The following IPO8 variants were observed in gnomAD, a reference collection of about 807,000 sequenced individuals.
IPO8 encodes the protein importin-8.
Under a neutral mutation model 141.2 loss-of-function variants are expected in IPO8, and 65 were observed. The observed-to-expected ratio is 0.46, with a 90% confidence interval of 0.38 to 0.57. The LOEUF (loss-of-function observed/expected upper bound fraction) is 0.57. IPO8 is among the 20% of genes least tolerant of loss of function. IPO8 has a pLI of 0.00. For synonymous variants in IPO8, 411 were observed against 420.3 expected (o/e 0.98, Z 0.27); for missense variants, 980 against 1,246.8 (o/e 0.79, Z 3.22).
intron 20 of IPO8, among the ~76,000 whole-genome samples, chr12:30,646,436 G>A (rs1239636038): frequency 2.0e-5 from 3 of 152,144 alleles, no homozygotes; most frequent in African/African-American, 7.2e-5. Context: ...CTAAGACCAG[G>A]AACAAGATGA....
rs761532552 is a variant in IPO8 at position 30,661,309 on chromosome 12, T to A, written c.1756-43A>T. 3 of 1,512,222 alleles carry A rather than the reference T, an allele frequency of 2.0e-6. No homozygotes were observed. The Admixed American group carries it at 6.4e-5, about 32-fold the overall frequency. 93.7% of individuals were successfully genotyped at this position (1,512,222 alleles called of 1,614,324 possible). A position where few individuals can be genotyped will look rare whatever the true frequency, so the allele number is the denominator to read the frequency against. On this transcript the variant is annotated intron_variant, in intron 15 of 24. Transcript: ENST00000256079. ...AAGTATTCCGCAATTAGTAGTACTG[T>A]TACGTCCCCGCTTTACAAAAGTTAG...
chr12:30,646,567 G>A (rs2052649711), intron 20 of IPO8, among the ~76,000 whole-genome samples: 2 of 152,208 alleles, frequency 1.3e-5, no homozygotes, highest in South Asian at 4.1e-4. Context: ...TAGATAATAT[G>A]ATCCTGTTTA....
Position 30,637,117 on chromosome 12 carries a change from C to T in IPO8, c.2560G>A (p.Val854Ile). ...LLELQNRPPA[V>I]DAVVGQIVPS... is the part of the protein sequence containing the mutation. ...ACAATCTGTCCCACCACAGCATCTA[C>T]TGCAGGAGGTCGATTTTGCAATTCC... Residue 854 changes from valine (V) to isoleucine (I), a missense_variant, in exon 22 of 25, where the codon GTA becomes ATA. Physicochemically the swap from Val to Ile is conservative, Grantham distance 29. Around this residue, in one of 3 missense-constraint regions of IPO8, gnomAD observed 924 missense variants for 1,153.9 expected, o/e 0.80. Coordinates refer to ENST00000256079, the MANE Select transcript of IPO8 (RefSeq NM_006390.4). 1.2e-6 allele frequency: 2 copies of T among 1,613,896 alleles called. No homozygotes were observed. Among genetic ancestry groups the T allele is most frequent in the African/African-American group, 1.3e-5 (1 of 74,996 alleles).
In IPO8 at chr12:30,680,496, A is replaced by G. The variant is rs1386373280; in HGVS notation, c.625T>C (p.Tyr209His). 1 of 1,610,638 alleles carries G rather than the reference A, an allele frequency of 6.2e-7. No homozygotes were observed. The highest frequency in any genetic ancestry group is 1.1e-5 in the South Asian group (1 of 90,354). The change falls in exon 5 of 25, where the codon TAT becomes CAT. Residue 209 changes from tyrosine to histidine, a missense_variant. Physicochemically the swap from Tyr to His is moderately conservative, Grantham distance 83 (BLOSUM62 2). Transcript: ENST00000256079. ...TAGAAACCTACCTGAACAAGTGCAT[A>G]AAAGATTTTCAGAATTTGTTTCTGC... ...LLQKQILKIF[Y>H]ALVQYALPLQ...
chr12:30,634,190 T>C lies in IPO8; in HGVS notation c.2792A>G (p.Asp931Gly), dbSNP rs2052471463. 1.9e-6 allele frequency: 3 copies of C among 1,613,882 alleles called. No individual in the cohort carries two copies. The highest frequency in any genetic ancestry group is 2.5e-6 in the Non-Finnish European group (3 of 1,179,910). Residue 931 changes from aspartate (D) to glycine (G), a missense_variant, in exon 23 of 25, where the codon GAC becomes GGC. Asp to Gly is a moderately conservative substitution (Grantham distance 94). Around this residue, in one of 3 missense-constraint regions of IPO8, gnomAD observed 924 missense variants for 1,153.9 expected, o/e 0.80. Coordinates refer to ENST00000256079, the MANE Select transcript of IPO8 (RefSeq NM_006390.4). ...RGEDEEEEDD[D>G]WDEEVLEETA... ...TTCTTCCAATACTTCTTCATCCCAGTCATCATCTTCCTCCTCCTCATCTTC... is the reference window on the plus strand; with the variant it reads ...TTCTTCCAATACTTCTTCATCCCAGCCATCATCTTCCTCCTCCTCATCTTC...
chr12:30,640,246 A>C (rs2052558511), intron 20 of IPO8, among the ~76,000 whole-genome samples: 1 of 152,192 alleles, frequency 6.6e-6, no homozygotes, highest in Admixed American at 6.5e-5. Context: ...TCCAATTCTA[A>C]GGTGCAATAT....
At chr12:30,668,445 T>A (rs187836988) in intron 10 of IPO8, among the ~76,000 whole-genome samples, 157 of 152,282 alleles carry the variant, frequency 1.0e-3, no homozygotes, top group Non-Finnish European at 1.7e-3. Context: ...TCTTTCAACA[T>A]GTATTGAAGG....
At chr12:30,647,776 T>C (rs1280721325) in intron 20 of IPO8, among the ~76,000 whole-genome samples, 1 of 152,022 alleles carries the variant, frequency 6.6e-6, no homozygotes, top group Non-Finnish European at 1.5e-5. Context: ...GAATATATAA[T>C]GAACTCCAAC....
At chr12:30,633,086 T>C (rs1036636093) in intron 23 of IPO8, among the ~76,000 whole-genome samples, 2 of 152,252 alleles carry the variant, frequency 1.3e-5, no homozygotes, top group Admixed American at 1.3e-4. Context: ...TCCACGTTTA[T>C]GCTGTTACGT....
intron 16 of IPO8, among the ~76,000 whole-genome samples, chr12:30,660,859 T>C (rs774318130): frequency 1.3e-5 from 2 of 151,946 alleles, no homozygotes; most frequent in Non-Finnish European, 2.9e-5. Flanking sequence ...GAACCTAGCC[T>C]GGCACATAGC....
chr12:30,668,746 C>T (rs541032867), intron 10 of IPO8, among the ~76,000 whole-genome samples: 37 of 152,298 alleles, frequency 2.4e-4, no homozygotes, highest in African/African-American at 8.7e-4. Flanking sequence ...AGTAGGGCCC[C>T]CATACGAAAT....
chr12:30,637,120 C>T lies in IPO8; in HGVS notation c.2557G>A (p.Ala853Thr). ...ATCTGTCCCACCACAGCATCTACTG[C>T]AGGAGGTCGATTTTGCAATTCCAAA... Reference protein sequence around the residue: ...ILLELQNRPPAVDAVVGQIVP... With the variant: ...ILLELQNRPPTVDAVVGQIVP... The change falls in exon 22 of 25, where the codon GCA becomes ACA. Residue 853 changes from alanine to threonine, a missense_variant. Coordinates refer to ENST00000256079, the MANE Select transcript of IPO8 (RefSeq NM_006390.4). The T allele has an allele frequency of 6.2e-7, 1 of 1,613,822 alleles. No individual in the cohort carries two copies. Among genetic ancestry groups the T allele is most frequent in the Non-Finnish European group, 8.5e-7 (1 of 1,179,922 alleles).
chr12:30,643,034 T>C (rs2052595571), intron 20 of IPO8, among the ~76,000 whole-genome samples: 3 of 152,204 alleles, frequency 2.0e-5, no homozygotes, highest in Admixed American at 2.0e-4. Flanking sequence ...GTAAGAAACT[T>C]ATCTTGAATA....
chr12:30,689,910 C>T (rs956023730), intron 2 of IPO8, among the ~76,000 whole-genome samples: 1 of 152,002 alleles, frequency 6.6e-6, no homozygotes, highest in Admixed American at 6.6e-5. Flanking sequence ...TTTGAAAATT[C>T]ATGATACTCT....
intron 18 of IPO8, among the ~76,000 whole-genome samples, chr12:30,652,551 A>G (rs997162567): frequency 6.6e-6 from 1 of 151,960 alleles, no homozygotes; most frequent in African/African-American, 2.4e-5. Flanking sequence ...CCTATCTGAC[A>G]TACTTTATAT....
intron 9 of IPO8, among the ~76,000 whole-genome samples, chr12:30,669,804 CA>C (rs1044965847): frequency 6.6e-6 from 1 of 151,906 alleles, no homozygotes; most frequent in African/African-American, 2.4e-5. Flanking sequence ...CTTCTATTCC[CA>C]AAAAAACTAA....
In IPO8 at chr12:30,663,214, A is replaced by T. The variant is rs190696375; in HGVS notation, c.1594+275T>A. On this transcript the variant is annotated intron_variant, in intron 14 of 24. Transcript: ENST00000256079. ...ACACCTTGCCCAGGTTTCCATGGCA[A>T]GTTAGGAGCAAAATCAAAACTGGGC... 3.3e-5 allele frequency among the ~76,000 whole-genome samples: 5 copies of T among 152,288 alleles called. No individual in the cohort carries two copies. The East Asian group carries it at 9.7e-4, about 29-fold the overall frequency.
intron 10 of IPO8, among the ~76,000 whole-genome samples, chr12:30,668,779 A>T (rs903771871): frequency 6.6e-6 from 1 of 152,246 alleles, no homozygotes; most frequent in Non-Finnish European, 1.5e-5. Context: ...TGGAACACTT[A>T]GTCTCTCAGA....
intron 1 of IPO8, among the ~76,000 whole-genome samples, chr12:30,692,760 C>T (rs1049611153): frequency 6.6e-6 from 1 of 152,124 alleles, no homozygotes; most frequent in African/African-American, 2.4e-5. Flanking sequence ...AGTTGAGGGC[C>T]TTTTCTGAAC....
Sources: allele counts gnomAD v4.1 joint callset (sites outside exome capture counted in the v4.1 genomes callset), GRCh38; gene constraint gnomAD v4.1.1; regional missense constraint gnomAD v4.1.1; transcripts MANE v1.5; gene names NCBI Gene and HGNC (gene_info 2026-07-23, HGNC 2026-07-21).